Variants in NAA11 observed in about 807,000 individuals in gnomAD.
The protein encoded by NAA11 is N-alpha-acetyltransferase 11, NatA catalytic subunit, also known as N-alpha-acetyltransferase 11.
A neutral mutation model predicts 16.1 loss-of-function variants in NAA11; 15 were observed. That is an observed-to-expected ratio of 0.93 (90% CI 0.62 to 1.44). The LOEUF (loss-of-function observed/expected upper bound fraction) is 1.44. Among genes scored for constraint, NAA11 ranks in the 40% most tolerant of loss-of-function variants. NAA11 has a pLI of 0.00. For synonymous variants in NAA11, 122 were observed against 112.4 expected, an observed-to-expected ratio of 1.09 and a Z score of -0.54; for missense variants, 298 against 291.3, an observed-to-expected ratio of 1.02 and a Z score of -0.17.
chr4:79,237,189 A>C (rs185226814), intron 2 of NAA11, among the ~76,000 whole-genome samples: 101 of 152,288 alleles, frequency 6.6e-4, no homozygotes, highest in Non-Finnish European at 1.1e-3. Flanking sequence ...ATATCAGGGA[A>C]CATCTGATCA....
chr4:79,224,525 A>G (rs765150991), downstream of NAA11, among the ~76,000 whole-genome samples: 2 of 152,120 alleles, frequency 1.3e-5, no homozygotes, highest in African/African-American at 2.4e-5. Context: ...GCAACCAACC[A>G]GACAAACAAT....
intron 2 of NAA11, among the ~76,000 whole-genome samples, chr4:79,284,464 G>A (rs1156833127): frequency 6.6e-6 from 1 of 152,054 alleles, no homozygotes; most frequent in Non-Finnish European, 1.5e-5. Context: ...TTTGATTCAA[G>A]AGTATCAGGT....
At chr4:79,182,876 A>T in the NAA11 span, among the ~76,000 whole-genome samples, 1 of 152,158 alleles carries the variant, frequency 6.6e-6, no homozygotes, top group African/African-American at 2.4e-5. Flanking sequence ...TATTTCATCT[A>T]ATCAATCATT....
At chr4:79,318,722 AT>A (rs1046754118) in intron 1 of NAA11, among the ~76,000 whole-genome samples, 27 of 152,320 alleles carry the variant, frequency 1.8e-4, no homozygotes, top group Admixed American at 1.4e-3. Flanking sequence ...GACTATCATC[AT>A]TGCCTTTTTC....
At chr4:79,181,038 C>T in the NAA11 span, among the ~76,000 whole-genome samples, 2 of 151,902 alleles carry the variant, frequency 1.3e-5, no homozygotes, top group Non-Finnish European at 2.9e-5. Flanking sequence ...AATGAGAACA[C>T]TTGGCCACAG....
chr4:79,299,558 A>T (rs1723328271), intron 1 of NAA11: 1 of 152,230 alleles, frequency 6.6e-6, no homozygotes, highest in Non-Finnish European at 1.5e-5. Flanking sequence ...AAGGTTTTTT[A>T]TATCAAATCT....
chr4:79,243,257 C>A (rs145917509), intron 2 of NAA11, among the ~76,000 whole-genome samples: 1 of 152,106 alleles, frequency 6.6e-6, no homozygotes. Flanking sequence ...GCCAACTGGA[C>A]GGTTATTTGT....
intron 1 of NAA11, among the ~76,000 whole-genome samples, chr4:79,310,910 G>A (rs1723751812): frequency 6.6e-6 from 1 of 152,174 alleles, no homozygotes; most frequent in African/African-American, 2.4e-5. Context: ...AAGAATTCTA[G>A]TTTTGGCCAG....
chr4:79,225,099 T>C (rs1009631285), downstream of NAA11, among the ~76,000 whole-genome samples: 18 of 152,162 alleles, frequency 1.2e-4, no homozygotes, highest in African/African-American at 4.3e-4. Flanking sequence ...ATATAAACTT[T>C]AGCTAATATT....
the NAA11 span, among the ~76,000 whole-genome samples, chr4:79,217,404 C>T: frequency 3.3e-5 from 5 of 152,148 alleles, no homozygotes; most frequent in African/African-American, 1.2e-4. Flanking sequence ...GTGACTATCT[C>T]ATTTTCCCCC....
At chr4:79,270,182 T>C (rs1722460952) in intron 2 of NAA11, among the ~76,000 whole-genome samples, 1 of 151,300 alleles carries the variant, frequency 6.6e-6, no homozygotes, top group African/African-American at 2.4e-5. Context: ...GACTTGGCGA[T>C]GCGGGCTCTT....
chr4:79,308,021 G>A (rs1034877553), intron 1 of NAA11, among the ~76,000 whole-genome samples: 2 of 152,132 alleles, frequency 1.3e-5, no homozygotes, highest in South Asian at 4.2e-4. Context: ...GAAACACCAA[G>A]ATAATTATTT....
At chr4:79,177,760 G>T in the NAA11 span, among the ~76,000 whole-genome samples, 2 of 152,068 alleles carry the variant, frequency 1.3e-5, no homozygotes, top group Non-Finnish European at 1.5e-5. Context: ...TGAAGTAAAT[G>T]ATCTCTTATA....
At chr4:79,309,714 CT>C (rs71662804) in intron 1 of NAA11, among the ~76,000 whole-genome samples, 7,606 of 81,572 alleles carry the variant, frequency 0.093, 112 homozygotes, top group African/African-American at 0.2. Context: ...TTTTTTTTTT[CT>C]TTTTTTTTTT....
intron 2 of NAA11, among the ~76,000 whole-genome samples, chr4:79,270,184 C>G (rs542581555): frequency 3.3e-5 from 5 of 150,944 alleles, no homozygotes; most frequent in Non-Finnish European, 7.4e-5. Flanking sequence ...CTTGGCGATG[C>G]GGGCTCTTTT....
At chr4:79,236,862 G>C (rs1223576986) in intron 2 of NAA11, among the ~76,000 whole-genome samples, 2 of 152,086 alleles carry the variant, frequency 1.3e-5, no homozygotes, top group Non-Finnish European at 2.9e-5. Context: ...TGGTCATAAT[G>C]GTGCATAGTC....
At chr4:79,192,312 T>C in the NAA11 span, among the ~76,000 whole-genome samples, 3 of 151,982 alleles carry the variant, frequency 2.0e-5, no homozygotes, top group South Asian at 6.3e-4. Flanking sequence ...TGTGCCATGT[T>C]GGTGTGCTGC....
At chr4:79,314,467 A>C (rs1301134478), downstream of NAA11, among the ~76,000 whole-genome samples, 1 of 152,070 alleles carries the variant, frequency 6.6e-6, no homozygotes, top group Admixed American at 6.5e-5. Context: ...TGATTTTTTA[A>C]GTCTGAGCCA....
chr4:79,194,690 G>A, the NAA11 span, among the ~76,000 whole-genome samples: 2 of 152,198 alleles, frequency 1.3e-5, no homozygotes. Flanking sequence ...CAGGTAAGGA[G>A]TTTGTCTTTC....
Sources: gnomAD v4.1 joint callset for allele counts (sites outside exome capture counted in the v4.1 genomes callset) on GRCh38, gnomAD v4.1.1 for gene constraint, MANE v1.5 for transcripts, NCBI Gene and HGNC (gene_info 2026-07-23, HGNC 2026-07-21) for gene names.